Variants in PTPRD observed in about 807,000 individuals in gnomAD.
PTPRD encodes the protein protein tyrosine phosphatase receptor type D.
In PTPRD, 34 loss-of-function variants were observed where a neutral mutation model predicts 214.5. That is an observed-to-expected ratio of 0.16 (90% CI 0.12 to 0.21). The LOEUF (loss-of-function observed/expected upper bound fraction) is 0.21. Among genes scored for constraint, PTPRD ranks in the 10% least tolerant of loss-of-function variants. The pLI, the probability that PTPRD is intolerant of heterozygous loss-of-function variation, is 1.00. For synonymous variants in PTPRD, 1,128 were observed against 845.7 expected, an observed-to-expected ratio of 1.33 and a Z score of -5.79; for missense variants, 2,545 against 2,398.7, an observed-to-expected ratio of 1.06 and a Z score of -1.27.
At chr9:9,870,965 CA>C (rs2065259644) in intron 5 of PTPRD, among the ~76,000 whole-genome samples, 1 of 152,036 alleles carries the variant, frequency 6.6e-6, no homozygotes, top group Non-Finnish European at 1.5e-5. Flanking sequence ...AAAATTAAGA[CA>C]TATTAATACT....
At chr9:8,993,968 A>T (rs2099387142) in intron 11 of PTPRD, among the ~76,000 whole-genome samples, 1 of 152,172 alleles carries the variant, frequency 6.6e-6, no homozygotes, top group Non-Finnish European at 1.5e-5. Flanking sequence ...GGAGGGAGTC[A>T]TCGTTGCATC....
chr9:9,192,356 AG>A (rs1355494956), intron 9 of PTPRD, among the ~76,000 whole-genome samples: 2 of 152,104 alleles, frequency 1.3e-5, no homozygotes, highest in Non-Finnish European at 2.9e-5. Context: ...GTGAAGCATG[AG>A]CCCCAAGCGA....
chr9:10,397,392 A>G (rs926783009), intron 2 of PTPRD, among the ~76,000 whole-genome samples: 1 of 152,010 alleles, frequency 6.6e-6, no homozygotes, highest in Non-Finnish European at 1.5e-5. Flanking sequence ...TTACCTAGCA[A>G]TGTTATTGTT....
At chr9:8,333,872 G>A (rs1324148126) in intron 43 of PTPRD, among the ~76,000 whole-genome samples, 2 of 152,028 alleles carry the variant, frequency 1.3e-5, no homozygotes, top group African/African-American at 2.4e-5. Context: ...AAGAGCAGGG[G>A]TTGCAATCCT....
intron 4 of PTPRD, among the ~76,000 whole-genome samples, chr9:9,951,640 A>T (rs898545031): frequency 6.6e-6 from 1 of 152,196 alleles, no homozygotes; most frequent in Non-Finnish European, 1.5e-5. Context: ...TTACAAGTTA[A>T]TGTCGTTCTC....
chr9:8,967,649 T>C (rs1407724539), intron 11 of PTPRD, among the ~76,000 whole-genome samples: 1 of 152,120 alleles, frequency 6.6e-6, no homozygotes, highest in Non-Finnish European at 1.5e-5. Flanking sequence ...GTATATGGTA[T>C]TGAAAATGAT....
At chr9:9,662,868 C>A (rs1564396457) in intron 7 of PTPRD, among the ~76,000 whole-genome samples, 1 of 151,374 alleles carries the variant, frequency 6.6e-6, no homozygotes, top group Non-Finnish European at 1.5e-5. Flanking sequence ...AGTTTGATTC[C>A]CTGATAGATT....
intron 9 of PTPRD, among the ~76,000 whole-genome samples, chr9:9,246,868 C>T (rs1013699834): frequency 6.6e-6 from 1 of 151,906 alleles, no homozygotes; most frequent in Admixed American, 6.6e-5. Context: ...GAAAATAATA[C>T]CCCAAAATAT....
intron 3 of PTPRD, among the ~76,000 whole-genome samples, chr9:10,202,412 G>C (rs1238846062): frequency 6.6e-6 from 1 of 151,422 alleles, no homozygotes; most frequent in Non-Finnish European, 1.5e-5. Flanking sequence ...CTTAGTCTAA[G>C]GTGCTTTTCC....
At chr9:9,908,713 G>A (rs2078318406) in intron 5 of PTPRD, among the ~76,000 whole-genome samples, 3 of 151,824 alleles carry the variant, frequency 2.0e-5, no homozygotes, top group Non-Finnish European at 4.4e-5. Context: ...TTTTTTCTGT[G>A]CTGGTTGCTT....
intron 2 of PTPRD, among the ~76,000 whole-genome samples, chr9:10,367,611 T>C (rs1011325192): frequency 1.3e-5 from 2 of 152,056 alleles, no homozygotes; most frequent in African/African-American, 2.4e-5. Context: ...TTAAAGGAGA[T>C]AAGTCAATAT....
intron 2 of PTPRD, among the ~76,000 whole-genome samples, chr9:10,343,625 A>G (rs1597579783): frequency 6.6e-6 from 1 of 151,988 alleles, no homozygotes; most frequent in African/African-American, 2.4e-5. Flanking sequence ...TCTCCACAAC[A>G]TCTCCAGCAT....
At chr9:9,287,131 A>G (rs1037713740) in intron 9 of PTPRD, among the ~76,000 whole-genome samples, 2 of 151,124 alleles carry the variant, frequency 1.3e-5, no homozygotes, top group Non-Finnish European at 3.0e-5. Context: ...AGGCTGAGGC[A>G]GGAGAATCGC....
intron 10 of PTPRD, among the ~76,000 whole-genome samples, chr9:9,030,929 T>C (rs1020733580): frequency 3.3e-5 from 5 of 151,970 alleles, no homozygotes; most frequent in African/African-American, 1.2e-4. Flanking sequence ...AGTGGTGGAG[T>C]TCTGAGGATG....
chr9:9,863,836 GA>G (rs34403806), intron 5 of PTPRD, among the ~76,000 whole-genome samples: 12,226 of 135,318 alleles, frequency 0.09, 1,126 homozygotes, highest in African/African-American at 0.25. Flanking sequence ...ATGCAGGACG[GA>G]AAAAAAAAAA....
chr9:8,576,136 A>G (rs1406563042), intron 14 of PTPRD, among the ~76,000 whole-genome samples: 1 of 152,202 alleles, frequency 6.6e-6, no homozygotes, highest in East Asian at 1.9e-4. Context: ...TTGGAAGATT[A>G]TTGAAGGCTT....
intron 23 of PTPRD, among the ~76,000 whole-genome samples, chr9:8,501,659 T>C (rs930505499): frequency 6.6e-6 from 1 of 152,182 alleles, no homozygotes; most frequent in Non-Finnish European, 1.5e-5. Flanking sequence ...TGAGTTTGCC[T>C]GACCAGTTTT....
At chr9:8,981,611 A>G (rs2099313124) in intron 11 of PTPRD, among the ~76,000 whole-genome samples, 1 of 152,080 alleles carries the variant, frequency 6.6e-6, no homozygotes, top group African/African-American at 2.4e-5. Context: ...AATACAATAA[A>G]TAATAGCTAA....
intron 12 of PTPRD, among the ~76,000 whole-genome samples, chr9:8,693,587 G>A (rs1047560021): frequency 6.6e-6 from 1 of 152,148 alleles, no homozygotes; most frequent in African/African-American, 2.4e-5. Flanking sequence ...TCTACGAGGG[G>A]TGTACATCAA....
Sources: allele counts gnomAD v4.1 joint callset (sites outside exome capture counted in the v4.1 genomes callset), GRCh38; gene constraint gnomAD v4.1.1; transcripts MANE v1.5; gene names NCBI Gene and HGNC (gene_info 2026-07-23, HGNC 2026-07-21).